The following AGMO variants were observed in gnomAD, a reference collection of about 807,000 sequenced individuals.
AGMO encodes the protein alkylglycerol monooxygenase, also known as glyceryl-ether monooxygenase.
In AGMO, 75 loss-of-function variants were observed where a neutral mutation model predicts 60.2. The ratio of observed to expected loss-of-function variants is 1.25; its 90% CI spans 1.03 to 1.51. AGMO has a LOEUF of 1.51. Among genes scored for constraint, AGMO ranks in the 40% most tolerant of loss-of-function variants. AGMO has a pLI of 0.00. For missense variants in AGMO, 763 were observed against 525.5 expected (o/e 1.45, Z -4.42); for synonymous variants, 261 against 177.1 (o/e 1.47, Z -3.76).
intron 3 of AGMO, among the ~76,000 whole-genome samples, chr7:15,517,937 G>C (rs903585564): frequency 4.6e-5 from 7 of 152,164 alleles, no homozygotes; most frequent in African/African-American, 1.4e-4. Context: ...AATTCTCCCA[G>C]CCAGCACAGT....
intron 12 of AGMO, among the ~76,000 whole-genome samples, chr7:15,361,014 G>C (rs1045956020): frequency 6.6e-6 from 1 of 152,154 alleles, no homozygotes; most frequent in African/African-American, 2.4e-5. Flanking sequence ...GCCAGCTATA[G>C]CTAGAATATT....
At chr7:15,119,935 T>C in the AGMO span, among the ~76,000 whole-genome samples, 2 of 150,396 alleles carry the variant, frequency 1.3e-5, no homozygotes, top group Non-Finnish European at 3.0e-5. Context: ...TGCATGCTTT[T>C]TTTTTTTTTT....
At chr7:15,341,084 A>T (rs1176094824) in intron 12 of AGMO, among the ~76,000 whole-genome samples, 1 of 152,100 alleles carries the variant, frequency 6.6e-6, no homozygotes, top group Non-Finnish European at 1.5e-5. Flanking sequence ...AAAGGAAATC[A>T]TTTCAGAGCT....
At chr7:15,469,111 T>C (rs1407530429) in intron 3 of AGMO, among the ~76,000 whole-genome samples, 5 of 152,142 alleles carry the variant, frequency 3.3e-5, no homozygotes, top group African/African-American at 1.2e-4. Flanking sequence ...GAGTGTATAA[T>C]AAATTGGTTT....
chr7:15,508,845 T>A lies in AGMO; in HGVS notation c.409+35927A>T, dbSNP rs149823311. Among the ~76,000 whole-genome samples, 707 of 152,294 alleles carry A rather than the reference T, an allele frequency of 4.6e-3. 5 individuals carry two copies. The highest frequency in any genetic ancestry group is 0.016 in the African/African-American group (681 of 41,560). The stretch of plus-strand genomic sequence containing the variant: ...TAATAATGTATGGATATTTAACACA[T>A]AAAAATATACCATAATACATTCCAT... On this transcript the variant is annotated intron_variant, in intron 3 of 12. Coordinates refer to ENST00000342526, the MANE Select transcript of AGMO (RefSeq NM_001004320.2).
intron 12 of AGMO, among the ~76,000 whole-genome samples, chr7:15,273,418 G>T (rs1359685919): frequency 6.6e-6 from 1 of 152,102 alleles, no homozygotes; most frequent in South Asian, 2.1e-4. Context: ...TGTCAGGTTT[G>T]TCAAAGATCA....
At chr7:15,291,434 GTTC>G (rs1784259907) in intron 12 of AGMO, among the ~76,000 whole-genome samples, 2 of 152,056 alleles carry the variant, frequency 1.3e-5, no homozygotes, top group Non-Finnish European at 1.5e-5. Context: ...CCGGTATAGT[GTTC>G]TTCTTAAGTA....
chr7:15,122,677 C>CT, the AGMO span, among the ~76,000 whole-genome samples: 1 of 152,082 alleles, frequency 6.6e-6, no homozygotes, highest in Non-Finnish European at 1.5e-5. Context: ...TTCTATTTCT[C>CT]TAACAGTCAC....
intron 3 of AGMO, among the ~76,000 whole-genome samples, chr7:15,515,430 A>C (rs1354251139): frequency 6.6e-6 from 1 of 152,214 alleles, no homozygotes; most frequent in Non-Finnish European, 1.5e-5. Context: ...ATTGGAGCTC[A>C]GCCAAAGAAG....
chr7:15,295,728 G>A (rs1283940130), intron 12 of AGMO, among the ~76,000 whole-genome samples: 1 of 152,004 alleles, frequency 6.6e-6, no homozygotes, highest in Non-Finnish European at 1.5e-5. Context: ...GAATTCTTAA[G>A]AATGTTCATA....
intron 2 of AGMO, among the ~76,000 whole-genome samples, chr7:15,547,002 A>G (rs998433444): frequency 1.3e-5 from 2 of 152,204 alleles, no homozygotes; most frequent in African/African-American, 4.8e-5. Context: ...TTTAGGTTAA[A>G]AATGGCAAAT....
intron 12 of AGMO, among the ~76,000 whole-genome samples, chr7:15,210,424 T>G (rs563679245): frequency 5.3e-5 from 8 of 152,288 alleles, no homozygotes; most frequent in African/African-American, 1.9e-4. Context: ...TGGACAGAAT[T>G]TCCTGGCTTT....
the AGMO span, among the ~76,000 whole-genome samples, chr7:15,122,344 T>G: frequency 1.3e-5 from 2 of 152,136 alleles, no homozygotes; most frequent in African/African-American, 4.8e-5. Flanking sequence ...CATTCATTGT[T>G]CCTGTGTACT....
intron 10 of AGMO, among the ~76,000 whole-genome samples, chr7:15,382,479 G>C (rs531397850): frequency 1.3e-5 from 2 of 152,070 alleles, no homozygotes; most frequent in African/African-American, 4.8e-5. Context: ...GAAAAATGAG[G>C]CATGAAAGGA....
At chr7:15,285,874 C>T (rs1177090852) in intron 12 of AGMO, among the ~76,000 whole-genome samples, 1 of 151,878 alleles carries the variant, frequency 6.6e-6, no homozygotes, top group African/African-American at 2.4e-5. Flanking sequence ...CAAGTAGGTG[C>T]ATCATAAACC....
downstream of AGMO, among the ~76,000 whole-genome samples, chr7:15,197,209 T>C (rs1414442547): frequency 6.6e-6 from 1 of 151,920 alleles, no homozygotes; most frequent in African/African-American, 2.4e-5. Flanking sequence ...TCTATGACTA[T>C]GAGAACATGG....
chr7:15,358,037 T>C (rs903104657), intron 12 of AGMO, among the ~76,000 whole-genome samples: 1 of 152,220 alleles, frequency 6.6e-6, no homozygotes, highest in African/African-American at 2.4e-5. Flanking sequence ...AACTGTTGAA[T>C]CTTCCTTCAT....
At chr7:15,362,957 ATTCAC>A (rs1274918173) in intron 12 of AGMO, among the ~76,000 whole-genome samples, 1 of 152,192 alleles carries the variant, frequency 6.6e-6, no homozygotes, top group Non-Finnish European at 1.5e-5. Context: ...TCCCTGACTT[ATTCAC>A]TTAATAGTTA....
At chr7:15,382,170 A>G (rs1326049883) in intron 10 of AGMO, among the ~76,000 whole-genome samples, 3 of 152,154 alleles carry the variant, frequency 2.0e-5, no homozygotes, top group African/African-American at 7.2e-5. Context: ...ACTTAAAATA[A>G]AAGTTTAAAA....
Sources: allele counts gnomAD v4.1 joint callset (sites outside exome capture counted in the v4.1 genomes callset), GRCh38; gene constraint gnomAD v4.1.1; transcripts MANE v1.5; gene names NCBI Gene and HGNC (gene_info 2026-07-23, HGNC 2026-07-21).